Variants in EPB41L3 observed in about 807,000 individuals in gnomAD.
The protein encoded by EPB41L3 is band 4.1-like protein 3.
In EPB41L3, 57 loss-of-function variants were observed where a neutral mutation model predicts 127.1. That is an observed-to-expected ratio of 0.45 (90% CI 0.36 to 0.56). EPB41L3 has a LOEUF of 0.56. Ranked by LOEUF, EPB41L3 falls within the 20% of genes least tolerant of loss-of-function variation. The probability of loss-of-function intolerance (pLI) is 0.00; values close to 1 mark genes in which losing one functional copy is unlikely to be tolerated. For missense variants in EPB41L3, 1,273 were observed against 1,372.2 expected (o/e 0.93, Z 1.14); for synonymous variants, 572 against 549.5 (o/e 1.04, Z -0.57).
intron 1 of EPB41L3, among the ~76,000 whole-genome samples, chr18:5,516,262 C>A (rs1750135398): frequency 6.6e-6 from 1 of 152,160 alleles, no homozygotes; most frequent in African/African-American, 2.4e-5. Flanking sequence ...ATCTAATTGG[C>A]AGGATTTAAA....
intron 3 of EPB41L3, among the ~76,000 whole-genome samples, chr18:5,454,161 C>T (rs970859580): frequency 6.7e-6 from 1 of 149,984 alleles, no homozygotes; most frequent in Non-Finnish European, 1.5e-5. Flanking sequence ...TACTCTATAA[C>T]ATTGCCTTGA....
At chr18:5,521,893 ATAT>A (rs1323785723) in intron 1 of EPB41L3, among the ~76,000 whole-genome samples, 1 of 152,306 alleles carries the variant, frequency 6.6e-6, no homozygotes, top group African/African-American at 2.4e-5. Flanking sequence ...GGCACTTGAA[ATAT>A]TATTGAAATT....
chr18:5,566,981 T>C (rs1004838945), intron 3 of EPB41L3: 8 of 152,224 alleles, frequency 5.3e-5, no homozygotes, highest in Admixed American at 1.3e-4. Context: ...AATTTGTGCA[T>C]TTTTAGTAGA....
chr18:5,402,283 C>CT (rs1416231995), intron 16 of EPB41L3, among the ~76,000 whole-genome samples: 41 of 150,220 alleles, frequency 2.7e-4, no homozygotes, highest in Middle Eastern at 3.4e-3. Flanking sequence ...TGTTTCTTTT[C>CT]CTTTTTTTTT....
In EPB41L3 at chr18:5,613,436, T is replaced by C. The variant is rs16948508; in HGVS notation, c.-395+915A>G. Among the ~76,000 whole-genome samples, 392 of 152,310 alleles carry C rather than the reference T, an allele frequency of 2.6e-3. 4 individuals are homozygous for C. In the South Asian group the frequency reaches 0.028, roughly 11 times the overall value. On this transcript the variant is annotated intron_variant, in intron 2 of 21. Coordinates refer to the EPB41L3 transcript ENST00000545076. ...AATGTCCAAATGCGACAAGGTATGCTATAGTCTCAACCTAAATTCCTAGCC... is the reference window on the plus strand; with the variant it reads ...AATGTCCAAATGCGACAAGGTATGCCATAGTCTCAACCTAAATTCCTAGCC...
intron 1 of EPB41L3, among the ~76,000 whole-genome samples, chr18:5,499,757 ACT>A (rs540474376): frequency 1.5e-3 from 220 of 151,308 alleles, no homozygotes; most frequent in Non-Finnish European, 2.6e-3. Context: ...ACAGAGCAAG[ACT>A]CTGTCTCAAA....
chr18:5,473,141 A>G (rs2086476335), intron 3 of EPB41L3, among the ~76,000 whole-genome samples: 2 of 152,068 alleles, frequency 1.3e-5, no homozygotes, highest in African/African-American at 2.4e-5. Context: ...ATTTGCCCCA[A>G]TCTGGAGGCA....
At chr18:5,407,310 C>T in intron 15 of EPB41L3, 1 of 388,082 alleles carries the variant, frequency 2.6e-6, no homozygotes, top group South Asian at 4.2e-5. Flanking sequence ...AAATCAGAAG[C>T]TGAGAAGTCA....
At chr18:5,415,705 G>T in intron 13 of EPB41L3, 113 bp downstream of exon 13, 2 of 1,140,346 alleles carry the variant, frequency 1.8e-6, no homozygotes, top group Non-Finnish European at 2.5e-6. Flanking sequence ...TATTGGCACA[G>T]ACAATAAATG....
At chr18:5,481,420 C>T (rs2088486684) in intron 2 of EPB41L3, among the ~76,000 whole-genome samples, 1 of 151,994 alleles carries the variant, frequency 6.6e-6, no homozygotes, top group Non-Finnish European at 1.5e-5. Context: ...TTGATTCTGC[C>T]CGGCAATAAA....
intron 2 of EPB41L3, among the ~76,000 whole-genome samples, chr18:5,484,941 C>CAA (rs200783747): frequency 2.1e-5 from 3 of 141,208 alleles, no homozygotes; most frequent in Non-Finnish European, 3.1e-5. Flanking sequence ...TTAAACTCTT[C>CAA]AAAAAAAAAA....
At chr18:5,606,790 T>A (rs1006663343) in intron 3 of EPB41L3, among the ~76,000 whole-genome samples, 1 of 152,116 alleles carries the variant, frequency 6.6e-6, no homozygotes, top group Non-Finnish European at 1.5e-5. Flanking sequence ...ACCTCAGTTA[T>A]TAGCTGTGTA....
chr18:5,578,505 A>G (rs1282670375), intron 3 of EPB41L3, among the ~76,000 whole-genome samples: 2 of 152,240 alleles, frequency 1.3e-5, no homozygotes, highest in Non-Finnish European at 2.9e-5. Flanking sequence ...AAAAACCCAG[A>G]AATGAAAATG....
intron 3 of EPB41L3, among the ~76,000 whole-genome samples, chr18:5,594,488 G>A (rs978480082): frequency 5.3e-5 from 8 of 152,028 alleles, no homozygotes; most frequent in East Asian, 3.9e-4. Context: ...TAAAATATAC[G>A]GAAAAAAATA....
At chr18:5,445,035 T>G (rs1467640471) in intron 4 of EPB41L3, 105 bp downstream of exon 4, 4 of 772,524 alleles carry the variant, frequency 5.2e-6, no homozygotes, top group Non-Finnish European at 8.9e-6. Context: ...TGTGGGAGAA[T>G]GAAGGGAGGT....
At chr18:5,484,086 CAAAAAAAAAAAAAAAAAAAAAA>C (rs57231548) in intron 2 of EPB41L3, among the ~76,000 whole-genome samples, 10 of 18,264 alleles carry the variant, frequency 5.5e-4, no homozygotes, top group South Asian at 2.7e-3. Context: ...CAAACAAACT[CAAAAAAAAAAAAAAAAAAAAAA>C]AAAAAAAAAA....
chr18:5,587,953 C>CTTAGACAAG (rs1219957017), intron 3 of EPB41L3, among the ~76,000 whole-genome samples: 6 of 152,132 alleles, frequency 3.9e-5, no homozygotes, highest in African/African-American at 1.4e-4. Context: ...CTAACCTCAA[C>CTTAGACAAG]TTAGACAAGA....
At chr18:5,480,463 G>A (rs1016217889) in intron 2 of EPB41L3, among the ~76,000 whole-genome samples, 6 of 152,084 alleles carry the variant, frequency 3.9e-5, no homozygotes, top group Non-Finnish European at 5.9e-5. Flanking sequence ...GAGAGACATG[G>A]GGAGCCTAAG....
chr18:5,403,324 C>A (rs529550176), intron 16 of EPB41L3, among the ~76,000 whole-genome samples: 2 of 152,180 alleles, frequency 1.3e-5, no homozygotes, highest in South Asian at 4.1e-4. Flanking sequence ...ATATCTGAAA[C>A]TTGAAACAAT....
Sources: allele counts gnomAD v4.1 joint callset (sites outside exome capture counted in the v4.1 genomes callset), GRCh38; gene constraint gnomAD v4.1.1; transcripts MANE v1.5; gene names NCBI Gene and HGNC (gene_info 2026-07-23, HGNC 2026-07-21).